USP13: variants seen among roughly 807,000 people sequenced by gnomAD.
USP13 encodes ubiquitin specific peptidase 13.
USP13 carries 68 observed loss-of-function variants against 107.8 expected under a neutral mutation model. The ratio of observed to expected loss-of-function variants is 0.63; its 90% CI spans 0.52 to 0.77. USP13 has a LOEUF of 0.77. Ranked by LOEUF, USP13 falls within the 30% of genes least tolerant of loss-of-function variation. The pLI, the probability that USP13 is intolerant of heterozygous loss-of-function variation, is 0.00. For synonymous variants in USP13, 377 were observed against 389.5 expected (o/e 0.97, Z 0.38); for missense variants, 945 against 1,093.3 (o/e 0.86, Z 1.91).
intron 4 of USP13, among the ~76,000 whole-genome samples, chr3:179,701,503 C>T: frequency 6.6e-6 from 1 of 152,164 alleles, no homozygotes; most frequent in East Asian, 1.9e-4. Flanking sequence ...CTTTTCTGAT[C>T]AGAAGGATAA....
At chr3:179,729,981 G>C (rs1263576491) in intron 8 of USP13, among the ~76,000 whole-genome samples, 1 of 152,204 alleles carries the variant, frequency 6.6e-6, no homozygotes, top group African/African-American at 2.4e-5. Flanking sequence ...AACTTACAAC[G>C]AGGGTTGAGA....
chr3:179,783,860 TAAAA>T (rs55669733), intron 20 of USP13, among the ~76,000 whole-genome samples, 184 bp from the exon 21 acceptor site: 1 of 137,320 alleles, frequency 7.3e-6, no homozygotes, highest in Admixed American at 7.3e-5. Context: ...CCTTGTCTCT[TAAAA>T]AAAAAAAAAA....
At position 179,788,904 on chromosome 3, in the gene USP13, T is replaced by TTC. The variant is rs1393579526; in HGVS notation, c.*4763_*4764insTC. ...TCTCCCAGAAAGCAGATTTTTTTTT[T>TTC]CTGCCGAAAAACCAATATATATATG... is the stretch of plus-strand genomic sequence containing the variant. On this transcript the variant is annotated 3_prime_UTR_variant, in exon 21 of 21. Coordinates refer to ENST00000263966, the MANE Select transcript of USP13 (RefSeq NM_003940.3). 6.6e-6 allele frequency: 1 copy of TTC among 152,124 alleles called. No homozygotes were observed. The highest frequency in any genetic ancestry group is 1.5e-5 in the Non-Finnish European group (1 of 68,014). 9.4% of individuals were successfully genotyped at this position (152,124 alleles called of 1,614,324 possible).
intron 15 of USP13, 93 bp downstream of exon 15, chr3:179,754,947 C>T: frequency 6.9e-7 from 1 of 1,459,498 alleles, no homozygotes; most frequent in Non-Finnish European, 9.1e-7. Flanking sequence ...CTGCTACCAC[C>T]ACCACCCATT....
intron 3 of USP13, among the ~76,000 whole-genome samples, chr3:179,700,514 G>A (rs1041747093): frequency 3.9e-5 from 6 of 152,034 alleles, no homozygotes; most frequent in African/African-American, 1.4e-4. Context: ...GTAACATTAA[G>A]TTTTGGAGCT....
At chr3:179,661,602 C>T (rs1720458527) in intron 1 of USP13, among the ~76,000 whole-genome samples, 1 of 151,594 alleles carries the variant, frequency 6.6e-6, no homozygotes, top group South Asian at 2.1e-4. Context: ...TAATCTCTTG[C>T]CTGGAAAATA....
Position 179,719,747 on chromosome 3 carries a change from A to G in USP13, c.806-193A>G, listed in dbSNP as rs527458772. Reference sequence around the variant, plus strand: ...AATGTGAAAAGAATGACATATAGGTATATTTACAAAAAATGCCTACATATT... The same window carrying G: ...AATGTGAAAAGAATGACATATAGGTGTATTTACAAAAAATGCCTACATATT... On this transcript the variant is annotated intron_variant, in intron 6 of 20. Coordinates refer to ENST00000263966, the MANE Select transcript of USP13 (RefSeq NM_003940.3). Among the ~76,000 whole-genome samples the G allele has an allele frequency of 3.3e-5, 5 of 152,350 alleles. No homozygotes were observed. In the South Asian group the frequency reaches 6.2e-4, roughly 19 times the overall value.
Position 179,789,343 on chromosome 3 carries a change from G to T in USP13, c.*5202G>T, listed in dbSNP as rs942032177. 4.6e-5 allele frequency: 7 copies of T among 152,194 alleles called. No homozygotes were observed. The highest frequency in any genetic ancestry group is 8.8e-5 in the Non-Finnish European group (6 of 68,040). 9.4% of individuals were successfully genotyped at this position (152,194 alleles called of 1,614,324 possible). A position where few individuals can be genotyped will look rare whatever the true frequency, so the allele number is the denominator to read the frequency against. ...TTTGGGAGATTATTTGCCTGAGATG[G>T]AAAGAGAGATGGATGATTTATTGCT... On this transcript the variant is annotated 3_prime_UTR_variant, in exon 21 of 21. Transcript: ENST00000263966.
Position 179,745,212 on chromosome 3 carries a change from T to TGAAGTAA in USP13, c.1705_1706insAAGTAAG (p.Val569GlufsTer13), listed in dbSNP as rs1225657257. Reference sequence around the variant, plus strand: ...GTGCCCTACAAGCAAAGTCTGCGGGTGTGAAGTAAGTGTGTGTATATGTGG... The same window carrying TGAAGTAA: ...GTGCCCTACAAGCAAAGTCTGCGGGTGAAGTAAGTGAAGTAAGTGTGTGTATATGTGG... On this transcript the variant is annotated frameshift_variant, in exon 13 of 21. Transcript: ENST00000263966. LOFTEE classifies it high-confidence loss of function. 6.2e-7 allele frequency: 1 copy of TGAAGTAA among 1,610,892 alleles called. No individual in the cohort carries two copies. The highest frequency in any genetic ancestry group is 1.7e-5 in the Admixed American group (1 of 59,488).
intron 19 of USP13, 129 bp downstream of exon 19, chr3:179,765,977 G>GTTTTTT: frequency 1.3e-6 from 1 of 743,284 alleles, no homozygotes; most frequent in Non-Finnish European, 1.9e-6. Context: ...CATCTTCTTC[G>GTTTTTT]TTTTTTTTTT....
At position 179,724,430 on chromosome 3, in the gene USP13, C is replaced by T. The variant is rs940775687; in HGVS notation, c.1088+2841C>T. Among the ~76,000 whole-genome samples, 4 of 146,866 alleles carry T rather than the reference C, an allele frequency of 2.7e-5. No individual in the cohort carries two copies. The Admixed American group carries it at 2.7e-4, about 10-fold the overall frequency. ...CCGAGATTGCTCTACTGCACTCCAG[C>T]CTGGGCAACCAAGTGAGACTCTGTC... is the stretch of plus-strand genomic sequence containing the variant. On this transcript the variant is annotated intron_variant, in intron 8 of 20. Coordinates refer to ENST00000263966, the MANE Select transcript of USP13 (RefSeq NM_003940.3).
chr3:179,685,700 G>A (rs1711849051), intron 2 of USP13, among the ~76,000 whole-genome samples: 2 of 151,698 alleles, frequency 1.3e-5, no homozygotes, highest in Admixed American at 6.6e-5. Context: ...CACAAAGTTA[G>A]CAGCAGAACT....
intron 8 of USP13, among the ~76,000 whole-genome samples, chr3:179,729,103 A>G (rs572446546): frequency 4.5e-4 from 69 of 152,344 alleles, no homozygotes; most frequent in African/African-American, 1.6e-3. Context: ...GTATAGGAGC[A>G]CTGCAACAGG....
At chr3:179,751,225 G>A (rs1039685983) in intron 13 of USP13, among the ~76,000 whole-genome samples, 1 of 152,208 alleles carries the variant, frequency 6.6e-6, no homozygotes, top group Non-Finnish European at 1.5e-5. Flanking sequence ...AACAGTCTGT[G>A]TATAAAATTG....
chr3:179,708,865 G>C lies in USP13; in HGVS notation c.713G>C (p.Ser238Thr), dbSNP rs1301840977. Residue 238 changes from serine to threonine, a missense_variant, in exon 6 of 21, where the codon AGC (serine) becomes ACC (threonine). Coordinates refer to ENST00000263966, the MANE Select transcript of USP13 (RefSeq NM_003940.3). ...SVLCGKWFFD[S>T]SGGNGHALEH... ...CTGTGTGGAAAGTGGTTCTTTGACA[G>C]CTCTGGGGGCAACGGGCATGCGCTG... is the stretch of plus-strand genomic sequence containing the variant. The C allele has an allele frequency of 1.2e-6, 2 of 1,614,058 alleles. No individual in the cohort carries two copies. The highest frequency in any genetic ancestry group is 2.2e-5 in the East Asian group (1 of 44,884).
chr3:179,767,788 C>T (rs1715225319), intron 19 of USP13, among the ~76,000 whole-genome samples: 1 of 152,186 alleles, frequency 6.6e-6, no homozygotes, highest in Admixed American at 6.5e-5. Context: ...TAAATCTACA[C>T]TAGCAGCATT....
chr3:179,744,286 A>G (rs1334278048), intron 12 of USP13, among the ~76,000 whole-genome samples: 6 of 151,912 alleles, frequency 3.9e-5, no homozygotes, highest in African/African-American at 1.2e-4. Context: ...GGTGGAACCA[A>G]ATCAGAAAAT....
At chr3:179,670,968 A>T (rs1050520057) in intron 1 of USP13, among the ~76,000 whole-genome samples, 3 of 151,992 alleles carry the variant, frequency 2.0e-5, no homozygotes, top group Non-Finnish European at 4.4e-5. Flanking sequence ...AAGTGCTGGG[A>T]TTACAGGTGT....
At chr3:179,760,804 G>A (rs1714983091) in intron 16 of USP13, among the ~76,000 whole-genome samples, 1 of 152,154 alleles carries the variant, frequency 6.6e-6, no homozygotes, top group South Asian at 2.1e-4. Context: ...TAGAGGTCTT[G>A]AGAATGCTCT....
Sources: allele counts gnomAD v4.1 joint callset (sites outside exome capture counted in the v4.1 genomes callset), GRCh38; gene constraint gnomAD v4.1.1; transcripts MANE v1.5; gene names NCBI Gene and HGNC (gene_info 2026-07-23, HGNC 2026-07-21).